The following NPSR1 variants were observed in gnomAD, a reference collection of about 807,000 sequenced individuals.
NPSR1 encodes neuropeptide S receptor.
A neutral mutation model predicts 46.9 loss-of-function variants in NPSR1; 48 were observed. The observed-to-expected ratio is 1.02, with a 90% CI of 0.81 to 1.30. The LOEUF is 1.30. NPSR1 is among the 50% of genes most tolerant of loss of function. The probability of loss-of-function intolerance (pLI) is 0.00; values close to 1 mark genes in which losing one functional copy is unlikely to be tolerated. For synonymous variants in NPSR1, 176 were observed against 168.1 expected, an observed-to-expected ratio of 1.05 and a Z score of -0.36; for missense variants, 450 against 449.5, an observed-to-expected ratio of 1.00 and a Z score of -0.01.
At chr7:34,792,703 A>ATATATG (rs1787974455) in intron 3 of NPSR1, among the ~76,000 whole-genome samples, 1 of 88,572 alleles carries the variant, frequency 1.1e-5, no homozygotes, top group Non-Finnish European at 2.4e-5. Flanking sequence ...ATATATACGT[A>ATATATG]TATATATATA....
At chr7:34,834,730 G>C (rs532056665) in intron 6 of NPSR1, among the ~76,000 whole-genome samples, 1 of 152,316 alleles carries the variant, frequency 6.6e-6, no homozygotes, top group Non-Finnish European at 1.5e-5. Context: ...AGGATCCAAG[G>C]GTTACCCCAG....
chr7:34,750,510 C>A, intron 2 of NPSR1: 1 of 711,054 alleles, frequency 1.4e-6, no homozygotes, highest in Non-Finnish European at 2.6e-6. Context: ...GGTTTCTTGG[C>A]TGTTGGGGCT....
At chr7:34,749,037 T>C (rs1009412192) in intron 2 of NPSR1, among the ~76,000 whole-genome samples, 1 of 152,178 alleles carries the variant, frequency 6.6e-6, no homozygotes, top group African/African-American at 2.4e-5. Context: ...CAAAGTCTAA[T>C]GCTTCTCCCA....
chr7:34,793,402 G>A (rs963158130), intron 3 of NPSR1, among the ~76,000 whole-genome samples: 7 of 152,078 alleles, frequency 4.6e-5, no homozygotes, highest in African/African-American at 1.7e-4. Flanking sequence ...CAAATGACCT[G>A]AATAGACATT....
intron 2 of NPSR1, among the ~76,000 whole-genome samples, chr7:34,731,982 ACCAGCCTGG>A (rs912909386): frequency 6.6e-6 from 1 of 151,472 alleles, no homozygotes; most frequent in Non-Finnish European, 1.5e-5. Context: ...GGAGTTCAAG[ACCAGCCTGG>A]CCAACATGGC....
chr7:34,723,766 G>A (rs184495071), intron 2 of NPSR1, among the ~76,000 whole-genome samples: 734 of 152,116 alleles, frequency 4.8e-3, no homozygotes, highest in Non-Finnish European at 8.6e-3. Flanking sequence ...CTCAGCCTCC[G>A]GAGCAGGGCT....
At chr7:34,840,400 G>A (rs1214064351) in intron 6 of NPSR1, among the ~76,000 whole-genome samples, 6 of 152,176 alleles carry the variant, frequency 3.9e-5, no homozygotes, top group Admixed American at 3.9e-4. Context: ...GGAAAACGCT[G>A]TGTGGTGGGC....
At chr7:34,824,107 A>G (rs190177608) in intron 4 of NPSR1, among the ~76,000 whole-genome samples, 2,211 of 152,338 alleles carry the variant, frequency 0.015, 28 homozygotes, top group Non-Finnish European at 0.025. Context: ...TCATGATCTC[A>G]TTTCTAAATG....
Position 34,834,473 on chromosome 7 carries a change from T to G in NPSR1, c.757+13T>G, listed in dbSNP as rs770395549. ...TCCAACTGCTCAGGTAAGTCTCTACTCTGCATGGCCCAATTCTTGGCTAAT... is the reference window on the plus strand; with the variant it reads ...TCCAACTGCTCAGGTAAGTCTCTACGCTGCATGGCCCAATTCTTGGCTAAT... On this transcript the variant is annotated intron_variant, in intron 6 of 8. Transcript: ENST00000360581. The G allele has an allele frequency of 6.3e-7, 1 of 1,580,164 alleles. No individual in the cohort carries two copies. The highest frequency in any genetic ancestry group is 1.7e-5 in the Admixed American group (1 of 59,948).
At chr7:34,805,227 T>C (rs1788636692) in intron 3 of NPSR1, among the ~76,000 whole-genome samples, 1 of 151,644 alleles carries the variant, frequency 6.6e-6, no homozygotes, top group Non-Finnish European at 1.5e-5. Context: ...ACCAATGCAA[T>C]ATTAAAGAAA....
At chr7:34,743,403 G>T (rs1027975113) in intron 2 of NPSR1, among the ~76,000 whole-genome samples, 1 of 151,760 alleles carries the variant, frequency 6.6e-6, no homozygotes, top group Non-Finnish European at 1.5e-5. Flanking sequence ...ATTGAATCAG[G>T]AGTCTTTTCC....
intron 2 of NPSR1, among the ~76,000 whole-genome samples, chr7:34,687,924 G>A (rs1469753874): frequency 6.6e-6 from 1 of 152,154 alleles, no homozygotes; most frequent in Admixed American, 6.5e-5. Context: ...TCCCCTTAAA[G>A]TATTAGCTGA....
chr7:34,807,171 AC>A (rs1788739206), intron 3 of NPSR1, among the ~76,000 whole-genome samples: 1 of 152,298 alleles, frequency 6.6e-6, no homozygotes, highest in South Asian at 2.1e-4. Context: ...TTTTAAAAAA[AC>A]ATGTTACTAA....
rs144062165 is a variant in NPSR1 at position 34,774,273 on chromosome 7, G to C, written c.281-4189G>C. Among the ~76,000 whole-genome samples, 150 of 152,292 alleles carry C rather than the reference G, an allele frequency of 9.8e-4. 1 individual carries two copies. Among genetic ancestry groups the C allele is most frequent in the African/African-American group, 3.2e-3 (135 of 41,560 alleles). ...TTTACCTCCCTTTCAGCTAGTCATA[G>C]AGAACCCCCATATAGCCATAAGTGT... is the stretch of plus-strand genomic sequence containing the variant. On this transcript the variant is annotated intron_variant, in intron 2 of 8. Coordinates refer to ENST00000360581, the MANE Select transcript of NPSR1 (RefSeq NM_207172.2).
At chr7:34,673,078 T>C (rs1792137214) in intron 1 of NPSR1, among the ~76,000 whole-genome samples, 1 of 152,176 alleles carries the variant, frequency 6.6e-6, no homozygotes, top group Admixed American at 6.5e-5. Context: ...CTTCTACTCA[T>C]TGTTTCAGAC....
At chr7:34,747,952 G>T (rs748417309) in intron 2 of NPSR1, among the ~76,000 whole-genome samples, 9 of 152,114 alleles carry the variant, frequency 5.9e-5, no homozygotes, top group Non-Finnish European at 1.0e-4. Flanking sequence ...TATGGGGACC[G>T]TATCACAAAT....
intron 2 of NPSR1, among the ~76,000 whole-genome samples, chr7:34,770,668 T>A (rs1786637789): frequency 6.6e-6 from 1 of 152,102 alleles, no homozygotes; most frequent in Admixed American, 6.5e-5. Context: ...AAATGTATGA[T>A]CAATATGGTG....
At chr7:34,828,635 C>A (rs1337338571) in intron 5 of NPSR1, among the ~76,000 whole-genome samples, 1 of 152,162 alleles carries the variant, frequency 6.6e-6, no homozygotes, top group Non-Finnish European at 1.5e-5. Flanking sequence ...ACATTGTAAG[C>A]AAAGGAAGAT....
chr7:34,700,601 C>A (rs10081183), intron 2 of NPSR1, among the ~76,000 whole-genome samples: 55,519 of 152,024 alleles, frequency 0.37, 10,950 homozygotes, highest in African/African-American at 0.5. Context: ...TGGCTATTCC[C>A]CTATAAAATA....
Sources: gnomAD v4.1 joint callset for allele counts (sites outside exome capture counted in the v4.1 genomes callset) on GRCh38, gnomAD v4.1.1 for gene constraint, MANE v1.5 for transcripts, NCBI Gene and HGNC (gene_info 2026-07-23, HGNC 2026-07-21) for gene names.